The following MARCHF1 variants were observed in gnomAD, a reference collection of about 807,000 sequenced individuals.
MARCHF1 encodes the protein E3 ubiquitin-protein ligase MARCHF1.
In MARCHF1, 40 loss-of-function variants were observed where a neutral mutation model predicts 54.2. That is an observed-to-expected ratio of 0.74 (90% CI 0.57 to 0.96). The LOEUF (loss-of-function observed/expected upper bound fraction) is 0.96, where lower values mean the gene tolerates loss of function less well. Ranked by LOEUF, MARCHF1 falls within the 40% of genes least tolerant of loss-of-function variation. The pLI is 0.00. For synonymous variants in MARCHF1, 236 were observed against 236.3 expected (o/e 1.00, Z 0.01); for missense variants, 586 against 656.5 (o/e 0.89, Z 1.17).
intron 1 of MARCHF1, among the ~76,000 whole-genome samples, chr4:164,243,334 A>C (rs1437018179): frequency 4.1e-4 from 59 of 145,228 alleles, no homozygotes; most frequent in Non-Finnish European, 7.4e-4. Context: ...CAACATTCTT[A>C]AAGAAAAGAA....
intron 3 of MARCHF1, among the ~76,000 whole-genome samples, chr4:163,883,389 C>A (rs1750462737): frequency 7.0e-6 from 1 of 142,594 alleles, no homozygotes; most frequent in Admixed American, 7.1e-5. Flanking sequence ...GAAACAAGGG[C>A]TCATAATTAC....
intron 3 of MARCHF1, among the ~76,000 whole-genome samples, chr4:163,927,702 A>G (rs1751565963): frequency 1.3e-5 from 2 of 151,846 alleles, no homozygotes; most frequent in South Asian, 2.1e-4. Context: ...ACTGTCCTCA[A>G]TAAAGAAAGA....
chr4:164,148,742 CT>C (rs1729846109), intron 1 of MARCHF1, among the ~76,000 whole-genome samples: 1 of 152,114 alleles, frequency 6.6e-6, no homozygotes, highest in Non-Finnish European at 1.5e-5. Context: ...ATAAATATTA[CT>C]TTTTTAAAAG....
At chr4:164,189,590 C>A in intron 1 of MARCHF1, 1 of 951,052 alleles carries the variant, frequency 1.1e-6, no homozygotes, top group Non-Finnish European at 1.7e-6. Flanking sequence ...GGAGTGCTCT[C>A]TGGTGATCAA....
intron 3 of MARCHF1, chr4:163,932,997 C>T: frequency 1.1e-6 from 1 of 936,652 alleles, no homozygotes; most frequent in Non-Finnish European, 1.7e-6. Context: ...GAAAGAGATA[C>T]AATCCACACA....
chr4:163,972,486 T>C (rs1353273742), intron 3 of MARCHF1, among the ~76,000 whole-genome samples: 1 of 152,236 alleles, frequency 6.6e-6, no homozygotes, highest in African/African-American at 2.4e-5. Context: ...TATTAAGTAC[T>C]ATATTTATTT....
intron 1 of MARCHF1, among the ~76,000 whole-genome samples, chr4:164,353,637 C>A (rs1231827437): frequency 6.8e-4 from 7 of 10,276 alleles, no homozygotes; most frequent in African/African-American, 2.6e-3. Context: ...ATTTATAGCA[C>A]TAAATGCCCA....
chr4:163,920,683 A>AGGATG (rs1349008541), intron 3 of MARCHF1, among the ~76,000 whole-genome samples: 1 of 152,166 alleles, frequency 6.6e-6, no homozygotes, highest in African/African-American at 2.4e-5. Flanking sequence ...CTGCCCCCAC[A>AGGATG]GGATGGACTG....
intron 1 of MARCHF1, among the ~76,000 whole-genome samples, chr4:164,323,141 CATT>C (rs1735185757): frequency 6.6e-6 from 1 of 151,756 alleles, no homozygotes; most frequent in Admixed American, 6.6e-5. Flanking sequence ...CTCTAAGAAA[CATT>C]GTGCTGTTCT....
intron 1 of MARCHF1, among the ~76,000 whole-genome samples, chr4:164,211,804 A>C (rs1731782005): frequency 6.6e-6 from 1 of 152,078 alleles, no homozygotes; most frequent in Non-Finnish European, 1.5e-5. Context: ...ACACGTTTAG[A>C]CAACTATTTT....
At chr4:163,819,307 A>C (rs1748628228) in intron 4 of MARCHF1, among the ~76,000 whole-genome samples, 1 of 152,042 alleles carries the variant, frequency 6.6e-6, no homozygotes, top group Admixed American at 6.6e-5. Flanking sequence ...TAACTTTAAT[A>C]ACATACTTTG....
chr4:163,759,172 G>C (rs1746761199), intron 4 of MARCHF1, among the ~76,000 whole-genome samples: 1 of 149,272 alleles, frequency 6.7e-6, no homozygotes, highest in South Asian at 2.1e-4. Flanking sequence ...GTAAGGGTTT[G>C]GAAAGTAGAG....
chr4:163,753,514 T>A (rs1746583740), intron 4 of MARCHF1, among the ~76,000 whole-genome samples: 1 of 152,068 alleles, frequency 6.6e-6, no homozygotes, highest in South Asian at 2.1e-4. Flanking sequence ...GAAGATATTG[T>A]CATAAATAGC....
chr4:163,613,672 C>G, intron 5 of MARCHF1: 1 of 1,326,414 alleles, frequency 7.5e-7, no homozygotes, highest in East Asian at 2.6e-5. Context: ...TTACTGTAAT[C>G]ATTTGAGTGG....
chr4:164,159,842 C>G (rs1730183224), intron 1 of MARCHF1, among the ~76,000 whole-genome samples: 1 of 152,106 alleles, frequency 6.6e-6, no homozygotes, highest in Non-Finnish European at 1.5e-5. Flanking sequence ...TAAAAGCTGC[C>G]TGACTCCAGT....
chr4:163,943,288 C>T (rs545277170), intron 3 of MARCHF1, among the ~76,000 whole-genome samples: 1 of 152,222 alleles, frequency 6.6e-6, no homozygotes, highest in East Asian at 1.9e-4. Context: ...ATAGTACAGC[C>T]TAGGTTGTCT....
chr4:163,560,145 C>T (rs931659529), intron 8 of MARCHF1, among the ~76,000 whole-genome samples: 1 of 152,126 alleles, frequency 6.6e-6, no homozygotes, highest in Non-Finnish European at 1.5e-5. Flanking sequence ...AATGTCTTTA[C>T]CTCACCCAAA....
At chr4:163,818,009 C>T (rs980830643) in intron 4 of MARCHF1, among the ~76,000 whole-genome samples, 1 of 148,536 alleles carries the variant, frequency 6.7e-6, no homozygotes, top group East Asian at 2.0e-4. Context: ...ATACCTAATG[C>T]TAAATGACGA....
intron 1 of MARCHF1, among the ~76,000 whole-genome samples, chr4:164,344,341 T>C (rs928150999): frequency 5.3e-5 from 8 of 152,174 alleles, no homozygotes; most frequent in African/African-American, 1.7e-4. Context: ...TTTACTTATG[T>C]AACAAACCTC....
Sources: gnomAD v4.1 joint callset for allele counts (sites outside exome capture counted in the v4.1 genomes callset) on GRCh38, gnomAD v4.1.1 for gene constraint, MANE v1.5 for transcripts, NCBI Gene and HGNC (gene_info 2026-07-23, HGNC 2026-07-21) for gene names.